PLB1: variants seen among roughly 807,000 people sequenced by gnomAD.
PLB1 encodes phospholipase B1, membrane-associated.
PLB1 carries 242 observed loss-of-function variants against 227.4 expected under a neutral mutation model. That is an observed-to-expected ratio of 1.06 (90% CI 0.96 to 1.18). The LOEUF is 1.18. PLB1 is among the 50% of genes most tolerant of loss of function. The probability of loss-of-function intolerance (pLI) is 0.00; values close to 1 mark genes in which losing one functional copy is unlikely to be tolerated. For synonymous variants in PLB1, 757 were observed against 682.2 expected (o/e 1.11, Z -1.71); for missense variants, 1,858 against 1,816.3 (o/e 1.02, Z -0.42).
At chr2:28,599,996 C>A (rs1296664926) in intron 35 of PLB1, among the ~76,000 whole-genome samples, 1 of 152,186 alleles carries the variant, frequency 6.6e-6, no homozygotes, top group Non-Finnish European at 1.5e-5. Context: ...CAACCTTCAC[C>A]TCCCAGGTTT....
intron 23 of PLB1, among the ~76,000 whole-genome samples, chr2:28,580,713 CAAAA>C (rs35119977): frequency 2.2e-5 from 3 of 137,848 alleles, no homozygotes; most frequent in Non-Finnish European, 4.8e-5. Flanking sequence ...GACTCCATCT[CAAAA>C]AAAAAAAAAG....
At chr2:28,567,764 T>G (rs1200625704) in intron 20 of PLB1, among the ~76,000 whole-genome samples, 1 of 152,192 alleles carries the variant, frequency 6.6e-6, no homozygotes, top group Admixed American at 6.5e-5. Flanking sequence ...AATGATTTTT[T>G]AAAGTCTGAT....
At chr2:28,626,539 G>C in intron 51 of PLB1, 31 bp downstream of exon 51, 1 of 1,588,618 alleles carries the variant, frequency 6.3e-7, no homozygotes, top group Middle Eastern at 1.7e-4. Flanking sequence ...ATGGGGACCT[G>C]AGAAGGAAGG....
At chr2:28,635,050 C>T (rs553526688) in intron 56 of PLB1, among the ~76,000 whole-genome samples, 18 of 152,210 alleles carry the variant, frequency 1.2e-4, no homozygotes, top group East Asian at 7.7e-4. Context: ...GAAAACAAAA[C>T]GTAAACACCG....
intron 25 of PLB1, among the ~76,000 whole-genome samples, chr2:28,582,895 G>A (rs773176684): frequency 6.6e-6 from 1 of 152,148 alleles, no homozygotes; most frequent in African/African-American, 2.4e-5. Context: ...CCCCCTCCTA[G>A]AGGCCCATCT....
chr2:28,567,216 G>GAA (rs1195434568), intron 20 of PLB1, among the ~76,000 whole-genome samples: 1 of 152,116 alleles, frequency 6.6e-6, no homozygotes, highest in Non-Finnish European at 1.5e-5. Context: ...CAAGAAAAAA[G>GAA]AAAAAGAAAC....
At chr2:28,531,333 CA>C (rs1368408478) in intron 8 of PLB1, among the ~76,000 whole-genome samples, 1 of 151,920 alleles carries the variant, frequency 6.6e-6, no homozygotes, top group Non-Finnish European at 1.5e-5. Flanking sequence ...TTTTTTGAGA[CA>C]GAGTTTCGCT....
rs750173393 is a variant in PLB1, at chr2:28,626,507, C to T, written c.3659C>T (p.Pro1220Leu). ...GACTTGTGTCATTACTGTGAGAATC[C>T]GGTAGGCCCCCGACCAACCCCATGG... ...VNDLCHYCEN[P>L]EAHLATEYVQ... Residue 1220 changes from proline (P) to leucine (L), a missense_variant and splice_region_variant, in exon 51 of 58, where the codon CCG (proline) becomes CTG (leucine). By Grantham distance (98) the Pro-to-Leu change is moderately conservative. Transcript: ENST00000327757. 1.3e-5 allele frequency: 21 copies of T among 1,613,616 alleles called. No individual in the cohort carries two copies. Among genetic ancestry groups the T allele is most frequent in the African/African-American group, 5.3e-5 (4 of 74,906 alleles).
chr2:28,567,866 C>T (rs1677317669), intron 20 of PLB1, among the ~76,000 whole-genome samples: 2 of 152,166 alleles, frequency 1.3e-5, no homozygotes, highest in African/African-American at 4.8e-5. Context: ...GCAAGCGATA[C>T]ATATTTAAAT....
At chr2:28,600,981 T>A in intron 36 of PLB1, 121 bp downstream of exon 36, 1 of 917,750 alleles carries the variant, frequency 1.1e-6, no homozygotes, top group Non-Finnish European at 1.7e-6. Flanking sequence ...ATTCAAGCAG[T>A]GGTCGGACAG....
intron 17 of PLB1, among the ~76,000 whole-genome samples, chr2:28,559,573 G>A (rs1675700885): frequency 6.6e-6 from 1 of 152,062 alleles, no homozygotes. Context: ...ACGAGACCTT[G>A]GAGACCTGGA....
intron 7 of PLB1, 145 bp from the exon 8 acceptor site, chr2:28,529,583 A>G (rs1670735866): frequency 1.1e-5 from 11 of 985,992 alleles, no homozygotes; most frequent in Non-Finnish European, 1.7e-5. Flanking sequence ...CCTAATTTTG[A>G]AAAACAGGTC....
chr2:28,582,565 C>T (rs978544798), intron 25 of PLB1, 60 bp downstream of exon 25: 39 of 1,318,974 alleles, frequency 3.0e-5, no homozygotes, highest in Non-Finnish European at 4.1e-5. Context: ...GGCAGTGGCA[C>T]CCTTAGCAAA....
intron 50 of PLB1, among the ~76,000 whole-genome samples, chr2:28,625,642 G>A (rs553958959): frequency 2.4e-4 from 37 of 152,066 alleles, no homozygotes; most frequent in Non-Finnish European, 4.6e-4. Context: ...CTCAGTCCAC[G>A]CTGGGCTCTT....
intron 16 of PLB1, among the ~76,000 whole-genome samples, chr2:28,550,841 T>C (rs975288206): frequency 1.3e-5 from 2 of 152,132 alleles, no homozygotes; most frequent in Admixed American, 1.3e-4. Flanking sequence ...CGCCCAGCCA[T>C]TCCATGTGGT....
chr2:28,498,175 C>T (rs560229191), intron 1 of PLB1, among the ~76,000 whole-genome samples: 6 of 151,872 alleles, frequency 4.0e-5, no homozygotes, highest in Non-Finnish European at 5.9e-5. Flanking sequence ...AATCACCCTA[C>T]ATCTGGGATT....
chr2:28,539,176 C>T lies in PLB1; in HGVS notation c.696C>T (p.Leu232=). The change falls in exon 11 of 58, where the codon CTC becomes CTT. Residue 232 remains leucine (L), a splice_region_variant and synonymous_variant. Transcript: ENST00000327757. Reference sequence around the variant, plus strand: ...CTCGTCAGTATCACGGCACTTGGCTCAGGTAAAAGGGGAAGTGGAATGAGA... The same window carrying T: ...CTCGTCAGTATCACGGCACTTGGCTTAGGTAAAAGGGGAAGTGGAATGAGA... ...EVSRQYHGTW[L]SPAPEPCNCS... is the part of the protein sequence containing the mutation. 1 of 1,612,600 alleles carries T rather than the reference C, an allele frequency of 6.2e-7. No individual in the cohort carries two copies. The highest frequency in any genetic ancestry group is 8.5e-7 in the Non-Finnish European group (1 of 1,178,592).
At chr2:28,510,419 G>A (rs1668097116) in intron 1 of PLB1, among the ~76,000 whole-genome samples, 1 of 152,048 alleles carries the variant, frequency 6.6e-6, no homozygotes, top group Non-Finnish European at 1.5e-5. Flanking sequence ...CTGCCAAGGG[G>A]CAGCTTGCTT....
chr2:28,498,500 A>G (rs547498035), intron 1 of PLB1, among the ~76,000 whole-genome samples: 21 of 152,264 alleles, frequency 1.4e-4, no homozygotes, highest in African/African-American at 1.9e-4. Flanking sequence ...GGCTCAAGCA[A>G]TCCTCCTGTC....
Sources: gnomAD v4.1 joint callset for allele counts (sites outside exome capture counted in the v4.1 genomes callset) on GRCh38, gnomAD v4.1.1 for gene constraint, MANE v1.5 for transcripts, NCBI Gene and HGNC (gene_info 2026-07-23, HGNC 2026-07-21) for gene names.